Variants in FAM227B observed in about 807,000 individuals in gnomAD.
FAM227B encodes protein FAM227B.
A neutral mutation model predicts 73.8 loss-of-function variants in FAM227B; 88 were observed. That is an observed-to-expected ratio of 1.19 (90% confidence interval 1.00 to 1.42). The LOEUF (loss-of-function observed/expected upper bound fraction) is 1.42, where lower values mean the gene tolerates loss of function less well. Ranked by LOEUF, FAM227B falls within the 40% of genes most tolerant of loss-of-function variation. The pLI, the probability that FAM227B is intolerant of heterozygous loss-of-function variation, is 0.00. For synonymous variants in FAM227B, 210 were observed against 190.5 expected (o/e 1.10, Z -0.84); for missense variants, 632 against 590.9 (o/e 1.07, Z -0.72).
chr15:49,609,820 G>C (rs1224523269), intron 3 of FAM227B, among the ~76,000 whole-genome samples: 1 of 151,870 alleles, frequency 6.6e-6, no homozygotes, highest in Non-Finnish European at 1.5e-5. Context: ...TGGGTATTTG[G>C]TTGGGAAATT....
chr15:49,329,807 A>C (rs796648338), intron 15 of FAM227B: 2 of 107,696 alleles, frequency 1.9e-5, no homozygotes, highest in Non-Finnish European at 3.3e-5. Flanking sequence ...GGATCAGTGT[A>C]AAAAAAAAAA....
intron 11 of FAM227B, among the ~76,000 whole-genome samples, chr15:49,446,041 A>C (rs1330024624): frequency 6.6e-6 from 1 of 151,544 alleles, no homozygotes; most frequent in Non-Finnish European, 1.5e-5. Context: ...TTTCTTGTAC[A>C]TTAAAACTAT....
chr15:49,358,795 G>A (rs6493365), intron 13 of FAM227B, among the ~76,000 whole-genome samples: 144,884 of 152,164 alleles, frequency 0.95, 69,046 homozygotes, highest in African/African-American at 0.99. Flanking sequence ...ACTTAAGCCA[G>A]AAGAACAAAG....
intron 11 of FAM227B, among the ~76,000 whole-genome samples, chr15:49,400,953 T>G (rs2048094053): frequency 6.6e-6 from 1 of 151,084 alleles, no homozygotes; most frequent in African/African-American, 2.5e-5. Flanking sequence ...AAGGACTTCA[T>G]GTCTAAACAC....
rs2151431950 is a variant in FAM227B, at chr15:49,364,701, T to A, written c.1271+2747A>T. On this transcript the variant is annotated intron_variant, in intron 13 of 15. Transcript: ENST00000299338. ...ACCGTTGAACTGCCTTCTTGCATGG[T>A]CTTAAACAGTTATTTCTATAAAGCA... is the stretch of plus-strand genomic sequence containing the variant. Among the ~76,000 whole-genome samples, 2 of 152,298 alleles carry A rather than the reference T, an allele frequency of 1.3e-5. 1 individual carries two copies. The highest frequency in any genetic ancestry group is 6.8e-3 in the Middle Eastern group (2 of 294).
At chr15:49,377,645 T>C (rs1027796812) in intron 11 of FAM227B, among the ~76,000 whole-genome samples, 8 of 152,158 alleles carry the variant, frequency 5.3e-5, no homozygotes, top group African/African-American at 1.9e-4. Context: ...TGTTTGCCAT[T>C]TGTACGTCTT....
At chr15:49,329,400 C>T (rs1353022059) in intron 15 of FAM227B, 1 of 984,998 alleles carries the variant, frequency 1.0e-6, no homozygotes, top group Non-Finnish European at 1.2e-6. Flanking sequence ...GGTTTTATGG[C>T]ATGAATTATC....
chr15:49,493,872 G>GTATATATATA (rs35761163), intron 11 of FAM227B, among the ~76,000 whole-genome samples: 1 of 148,040 alleles, frequency 6.8e-6, no homozygotes, highest in Non-Finnish European at 1.5e-5. Context: ...GTATGTATGT[G>GTATATATATA]TATATATATA....
At chr15:49,590,856 C>T (rs146461918) in intron 3 of FAM227B, among the ~76,000 whole-genome samples, 15 of 152,188 alleles carry the variant, frequency 9.9e-5, no homozygotes, top group African/African-American at 3.4e-4. Context: ...CTCCATTCTA[C>T]TCTCTGCTCC....
intron 4 of FAM227B, 114 bp from the exon 5 acceptor site, chr15:49,588,197 C>A: frequency 3.4e-6 from 2 of 584,998 alleles, no homozygotes; most frequent in Non-Finnish European, 5.0e-6. Context: ...TCAATGAAAT[C>A]AATTAGCAAT....
At chr15:49,433,111 G>C (rs2050762242) in intron 11 of FAM227B, among the ~76,000 whole-genome samples, 1 of 150,990 alleles carries the variant, frequency 6.6e-6, no homozygotes, top group Admixed American at 6.6e-5. Context: ...ATAATCTGAT[G>C]AAAGGACTAC....
intron 11 of FAM227B, among the ~76,000 whole-genome samples, chr15:49,421,902 G>C (rs759573658): frequency 3.9e-5 from 6 of 152,166 alleles, no homozygotes; most frequent in Non-Finnish European, 7.4e-5. Context: ...TGATCAAAGA[G>C]TCTGTCCCCC....
At chr15:49,388,988 A>G (rs1268961070) in intron 11 of FAM227B, among the ~76,000 whole-genome samples, 2 of 151,958 alleles carry the variant, frequency 1.3e-5, no homozygotes, top group Non-Finnish European at 2.9e-5. Context: ...AAGTCAAAAA[A>G]CAATAGAGGT....
intron 11 of FAM227B, among the ~76,000 whole-genome samples, chr15:49,474,521 C>G (rs2055064753): frequency 6.6e-6 from 1 of 151,716 alleles, no homozygotes; most frequent in Admixed American, 6.6e-5. Flanking sequence ...ACAAAACAGT[C>G]AATAAAAGGT....
At chr15:49,587,661 A>C (rs946590038) in intron 5 of FAM227B, among the ~76,000 whole-genome samples, 1 of 152,124 alleles carries the variant, frequency 6.6e-6, no homozygotes, top group African/African-American at 2.4e-5. Flanking sequence ...ATTTTTTAAA[A>C]TTGGCAAAGT....
chr15:49,607,503 T>C (rs925978871), intron 3 of FAM227B, among the ~76,000 whole-genome samples: 13 of 152,160 alleles, frequency 8.5e-5, no homozygotes, highest in Non-Finnish European at 1.9e-4. Flanking sequence ...TGTGTTGCTA[T>C]TGTTAGGGGA....
chr15:49,409,672 T>C (rs1231938813), intron 11 of FAM227B, among the ~76,000 whole-genome samples: 1 of 152,068 alleles, frequency 6.6e-6, no homozygotes, highest in African/African-American at 2.4e-5. Flanking sequence ...GACAAAACTA[T>C]CTCTCGTTTA....
intron 11 of FAM227B, among the ~76,000 whole-genome samples, chr15:49,463,565 A>AT (rs1425283667): frequency 6.6e-6 from 1 of 151,766 alleles, no homozygotes; most frequent in Non-Finnish European, 1.5e-5. Context: ...AAAAAAAAAA[A>AT]ATATCCAAAC....
chr15:49,533,818 A>G (rs977994877), intron 10 of FAM227B, among the ~76,000 whole-genome samples: 8 of 151,788 alleles, frequency 5.3e-5, no homozygotes, highest in Non-Finnish European at 8.8e-5. Flanking sequence ...TTTTTAATCC[A>G]TTCAGCCCCT....
Sources: allele counts gnomAD v4.1 joint callset (sites outside exome capture counted in the v4.1 genomes callset), GRCh38; gene constraint gnomAD v4.1.1; transcripts MANE v1.5; gene names NCBI Gene and HGNC (gene_info 2026-07-23, HGNC 2026-07-21).